The following ROBO2 variants were observed in gnomAD, a reference collection of about 807,000 sequenced individuals.
ROBO2 encodes the protein roundabout homolog 2.
ROBO2 carries 53 observed loss-of-function variants against 160.8 expected under a neutral mutation model. That is an observed-to-expected ratio of 0.33 (90% CI 0.26 to 0.41). ROBO2 has a LOEUF of 0.41. ROBO2 is among the 10% of genes least tolerant of loss of function. The pLI, the probability that ROBO2 is intolerant of heterozygous loss-of-function variation, is 1.00. For missense variants in ROBO2, 1,577 were observed against 1,722.4 expected (o/e 0.92, Z 1.49); for synonymous variants, 664 against 611.7 (o/e 1.09, Z -1.26).
chr3:77,465,857 A>G (rs958046010), intron 2 of ROBO2, among the ~76,000 whole-genome samples: 10 of 152,180 alleles, frequency 6.6e-5, no homozygotes, highest in African/African-American at 9.7e-5. Context: ...TTGTTCTCCA[A>G]TCACTGTCAA....
chr3:77,157,317 G>T (rs1440691211), intron 2 of ROBO2, among the ~76,000 whole-genome samples: 1 of 136,292 alleles, frequency 7.3e-6, no homozygotes, highest in African/African-American at 2.5e-5. Flanking sequence ...GCATATAATT[G>T]AAAGGTTAAA....
chr3:76,172,221 A>G (rs929101895), intron 2 of ROBO2, among the ~76,000 whole-genome samples: 5 of 150,522 alleles, frequency 3.3e-5, no homozygotes, highest in Non-Finnish European at 7.4e-5. Context: ...TCTCACTCAT[A>G]GGTGGGAATT....
At chr3:76,932,897 C>G (rs1559724261) in intron 2 of ROBO2, among the ~76,000 whole-genome samples, 1 of 151,950 alleles carries the variant, frequency 6.6e-6, no homozygotes, top group Admixed American at 6.6e-5. Flanking sequence ...GAAGCTGCCC[C>G]CGCCCCGGCC....
Position 76,203,612 on chromosome 3 carries a change from G to T in ROBO2, c.109+266010G>T, listed in dbSNP as rs1702657519. ...CGGCTTCCCCGTCAAGAGATCACAGGTCACGGTTCTAGTAACCTGTGTGAG... is the reference window on the plus strand; with the variant it reads ...CGGCTTCCCCGTCAAGAGATCACAGTTCACGGTTCTAGTAACCTGTGTGAG... On this transcript the variant is annotated intron_variant, in intron 2 of 26. Coordinates refer to the ROBO2 transcript ENST00000487694. 3.4e-5 allele frequency among the ~76,000 whole-genome samples: 5 copies of T among 145,944 alleles called. No homozygotes were observed. The Admixed American group carries it at 3.5e-4, about 10-fold the overall frequency.
intron 1 of ROBO2, among the ~76,000 whole-genome samples, chr3:75,929,176 T>C (rs1576178398): frequency 3.1e-5 from 1 of 32,178 alleles, no homozygotes; most frequent in African/African-American, 3.3e-4. Flanking sequence ...ATAAGACGTG[T>C]GTGTGTGTGT....
At chr3:76,210,305 C>G (rs1052659113) in intron 2 of ROBO2, among the ~76,000 whole-genome samples, 1 of 152,054 alleles carries the variant, frequency 6.6e-6, no homozygotes, top group Non-Finnish European at 1.5e-5. Flanking sequence ...TAAGCTATCT[C>G]AACTTCTAAA....
chr3:77,450,872 T>A (rs1467518093), intron 2 of ROBO2, among the ~76,000 whole-genome samples: 1 of 152,084 alleles, frequency 6.6e-6, no homozygotes, highest in Non-Finnish European at 1.5e-5. Context: ...GAACGAAATT[T>A]TGGCCTTTAT....
chr3:75,937,065 T>G (rs1947815392), intron 1 of ROBO2, among the ~76,000 whole-genome samples: 1 of 152,138 alleles, frequency 6.6e-6, no homozygotes, highest in South Asian at 2.1e-4. Context: ...ATAAATGTGT[T>G]GAAAAGTCCT....
chr3:77,232,227 G>T (rs967205456), intron 2 of ROBO2, among the ~76,000 whole-genome samples: 2 of 152,130 alleles, frequency 1.3e-5, no homozygotes, highest in Non-Finnish European at 2.9e-5. Flanking sequence ...ATTTAAGTTG[G>T]TGGTTAAATT....
At chr3:77,620,669 A>AT (rs1283406988) in intron 22 of ROBO2, among the ~76,000 whole-genome samples, 4 of 152,302 alleles carry the variant, frequency 2.6e-5, no homozygotes, top group East Asian at 3.9e-4. Flanking sequence ...AGAATTAGAA[A>AT]TTTTTTTAAC....
At chr3:76,326,874 G>GT (rs1417160553) in intron 2 of ROBO2, among the ~76,000 whole-genome samples, 1 of 148,798 alleles carries the variant, frequency 6.7e-6, no homozygotes, top group Non-Finnish European at 1.5e-5. Context: ...GCGGTGTTTG[G>GT]TTTTTTGTTC....
At chr3:77,599,862 T>C (rs1170699070) in intron 19 of ROBO2, among the ~76,000 whole-genome samples, 1 of 152,128 alleles carries the variant, frequency 6.6e-6, no homozygotes, top group Non-Finnish European at 1.5e-5. Flanking sequence ...ACTATGAAAA[T>C]GCAGACATAA....
intron 2 of ROBO2, among the ~76,000 whole-genome samples, chr3:76,747,942 G>A (rs888318770): frequency 6.6e-6 from 1 of 151,880 alleles, no homozygotes; most frequent in Non-Finnish European, 1.5e-5. Flanking sequence ...CGAATTCTCA[G>A]GGGAGGAATG....
intron 6 of ROBO2, among the ~76,000 whole-genome samples, chr3:77,531,546 A>T (rs1253036471): frequency 6.6e-6 from 1 of 152,008 alleles, no homozygotes; most frequent in African/African-American, 2.4e-5. Flanking sequence ...TCCAAAAAAA[A>T]AAATGGTTTG....
chr3:77,079,988 T>C (rs546558175), intron 1 of ROBO2, among the ~76,000 whole-genome samples: 1 of 152,304 alleles, frequency 6.6e-6, no homozygotes, highest in East Asian at 1.9e-4. Flanking sequence ...CACCATACAG[T>C]GTTAAATAAT....
At chr3:76,215,379 T>A (rs1255234486) in intron 2 of ROBO2, among the ~76,000 whole-genome samples, 1 of 152,024 alleles carries the variant, frequency 6.6e-6, no homozygotes, top group African/African-American at 2.4e-5. Flanking sequence ...AAGGAGGAAG[T>A]TCGAACCATG....
chr3:77,383,835 T>C (rs2153490295), intron 2 of ROBO2, among the ~76,000 whole-genome samples: 1 of 152,250 alleles, frequency 6.6e-6, no homozygotes, highest in African/African-American at 2.4e-5. Flanking sequence ...CTTTCTAATA[T>C]TCCATAGAGG....
chr3:77,577,587 C>A, exon 15 of ROBO2: 2 of 1,613,240 alleles, frequency 1.2e-6, no homozygotes, highest in Non-Finnish European at 1.7e-6. Flanking sequence ...CTCCAGATCA[C>A]CAGAATGGAA....
chr3:77,110,511 C>T (rs1227956670), intron 2 of ROBO2, among the ~76,000 whole-genome samples: 1 of 151,408 alleles, frequency 6.6e-6, no homozygotes, highest in Non-Finnish European at 1.5e-5. Context: ...GCCTTTTCAA[C>T]CAATGATGCT....
Sources: gnomAD v4.1 joint callset for allele counts (sites outside exome capture counted in the v4.1 genomes callset) on GRCh38, gnomAD v4.1.1 for gene constraint, MANE v1.5 for transcripts, NCBI Gene and HGNC (gene_info 2026-07-23, HGNC 2026-07-21) for gene names.